TTLL11: variants seen among roughly 807,000 people sequenced by gnomAD.
TTLL11 encodes tubulin polyglutamylase TTLL11.
TTLL11 carries 42 observed loss-of-function variants against 51.7 expected under a neutral mutation model. The observed-to-expected ratio is 0.81, with a 90% confidence interval of 0.64 to 1.05. The LOEUF (loss-of-function observed/expected upper bound fraction) is 1.05. Ranked by LOEUF, TTLL11 falls within the 50% of genes least tolerant of loss-of-function variation. The pLI is 0.00. For synonymous variants in TTLL11, 381 were observed against 383.5 expected (o/e 0.99, Z 0.08); for missense variants, 799 against 940.4 (o/e 0.85, Z 1.97).
intron 6 of TTLL11, among the ~76,000 whole-genome samples, chr9:121,929,726 G>A (rs1415608038): frequency 6.6e-6 from 1 of 152,222 alleles, no homozygotes; most frequent in African/African-American, 2.4e-5. Context: ...TAAACAAGAA[G>A]AAAGCACACT....
chr9:121,838,425 AAC>A (rs1199871384), intron 8 of TTLL11, among the ~76,000 whole-genome samples: 1 of 152,136 alleles, frequency 6.6e-6, no homozygotes, highest in Non-Finnish European at 1.5e-5. Flanking sequence ...ACCTTTTAGA[AAC>A]ACAAATCAGG....
intron 6 of TTLL11, among the ~76,000 whole-genome samples, chr9:121,942,324 G>T (rs1257392485): frequency 6.6e-6 from 1 of 152,198 alleles, no homozygotes; most frequent in Non-Finnish European, 1.5e-5. Context: ...CACCTTCACA[G>T]TCAGGCCGCT....
chr9:121,925,785 G>T (rs559101329), intron 6 of TTLL11, among the ~76,000 whole-genome samples: 224 of 152,296 alleles, frequency 1.5e-3, no homozygotes, highest in African/African-American at 4.8e-3. Context: ...GGATGGGTTT[G>T]TGGAGTGAAT....
At chr9:121,917,470 T>C (rs1040961382) in intron 6 of TTLL11, among the ~76,000 whole-genome samples, 45 of 63,222 alleles carry the variant, frequency 7.1e-4, no homozygotes, top group South Asian at 4.3e-3. Flanking sequence ...CAAGACACTG[T>C]TGAAAGAAAG....
intron 2 of TTLL11, among the ~76,000 whole-genome samples, 170 bp from the exon 3 acceptor site, chr9:122,032,026 A>T (rs1844568025): frequency 6.6e-6 from 1 of 152,218 alleles, no homozygotes; most frequent in Middle Eastern, 3.2e-3. Flanking sequence ...GTTTGGAAAG[A>T]ACTACTGAGT....
intron 6 of TTLL11, among the ~76,000 whole-genome samples, chr9:121,923,892 T>C (rs1840626138): frequency 6.6e-6 from 1 of 152,136 alleles, no homozygotes; most frequent in Admixed American, 6.5e-5. Flanking sequence ...TCATCTTGAG[T>C]TGTAGCTCCC....
At position 121,943,235 on chromosome 9, in the gene TTLL11, G is replaced by A. The variant is rs188586253; in HGVS notation, c.1481+30774C>T. Among the ~76,000 whole-genome samples the A allele has an allele frequency of 2.4e-4, 36 of 152,320 alleles. No homozygotes were observed. The South Asian group carries it at 4.4e-3, about 18-fold the overall frequency. ...GGGATTCCCAAAGGTTTCTGGACAT[G>A]AGCCTGGTGACAGTCAAGGGCCAAC... is the stretch of plus-strand genomic sequence containing the variant. On this transcript the variant is annotated intron_variant, in intron 6 of 8. Transcript: ENST00000321582.
chr9:121,831,207 T>C (rs1836995101), intron 8 of TTLL11, among the ~76,000 whole-genome samples: 1 of 152,206 alleles, frequency 6.6e-6, no homozygotes, highest in African/African-American at 2.4e-5. Context: ...CATAAAATAA[T>C]CTGGGGACCT....
chr9:121,967,988 G>C (rs55918513), intron 6 of TTLL11, among the ~76,000 whole-genome samples: 18,181 of 152,192 alleles, frequency 0.12, 1,240 homozygotes, highest in African/African-American at 0.19. Context: ...CGGGAAGTGG[G>C]GGGAGGGGGA....
intron 6 of TTLL11, among the ~76,000 whole-genome samples, chr9:121,964,366 C>T (rs974141747): frequency 1.6e-4 from 25 of 151,942 alleles, no homozygotes; most frequent in African/African-American, 6.0e-4. Context: ...GGTGTGATCT[C>T]AGCTCACTGC....
intron 6 of TTLL11, among the ~76,000 whole-genome samples, chr9:121,924,771 T>C (rs1176167333): frequency 2.0e-5 from 3 of 151,802 alleles, no homozygotes; most frequent in Non-Finnish European, 2.9e-5. Context: ...ACTTTTTTTT[T>C]TTTTTTTAAC....
intron 6 of TTLL11, among the ~76,000 whole-genome samples, chr9:121,891,927 TATG>T (rs556128516): frequency 1.2e-4 from 18 of 149,386 alleles, no homozygotes; most frequent in African/African-American, 3.9e-4. Context: ...TGTGTATATA[TATG>T]ATGATAATAT....
At chr9:121,897,332 G>A (rs1363131198) in intron 6 of TTLL11, among the ~76,000 whole-genome samples, 3 of 152,120 alleles carry the variant, frequency 2.0e-5, no homozygotes, top group African/African-American at 4.8e-5. Context: ...GCTAGCACGC[G>A]GTAGAACTGA....
chr9:122,026,980 G>A (rs1434567965), intron 3 of TTLL11, among the ~76,000 whole-genome samples: 1 of 151,016 alleles, frequency 6.6e-6, no homozygotes, highest in African/African-American at 2.4e-5. Flanking sequence ...AGAAATACCT[G>A]AGACTGGGTA....
intron 8 of TTLL11, among the ~76,000 whole-genome samples, chr9:121,829,243 C>G (rs1240233362): frequency 1.3e-5 from 2 of 151,984 alleles, no homozygotes; most frequent in East Asian, 3.9e-4. Context: ...CGTGAGCCAC[C>G]GTGCCCAGCC....
At chr9:122,006,710 T>C (rs1843656820) in intron 3 of TTLL11, among the ~76,000 whole-genome samples, 2 of 152,056 alleles carry the variant, frequency 1.3e-5, no homozygotes, top group African/African-American at 4.8e-5. Flanking sequence ...TCTGGCCACA[T>C]GTGGTGGCTC....
At chr9:122,055,270 A>T (rs576924725) in intron 1 of TTLL11, among the ~76,000 whole-genome samples, 1 of 151,436 alleles carries the variant, frequency 6.6e-6, no homozygotes, top group South Asian at 2.1e-4. Context: ...GTATTAACTC[A>T]CATGATCACA....
intron 8 of TTLL11, among the ~76,000 whole-genome samples, chr9:121,830,637 C>T (rs574294764): frequency 5.3e-4 from 81 of 152,336 alleles, no homozygotes; most frequent in African/African-American, 1.7e-3. Context: ...TCCAACTGCA[C>T]ATTAAGTCCT....
chr9:122,040,170 C>A (rs1053989504), intron 1 of TTLL11, among the ~76,000 whole-genome samples: 3 of 152,138 alleles, frequency 2.0e-5, no homozygotes, highest in Non-Finnish European at 4.4e-5. Flanking sequence ...GACAGCCAGT[C>A]TGCTGAGAGA....
Sources: allele counts gnomAD v4.1 joint callset (sites outside exome capture counted in the v4.1 genomes callset), GRCh38; gene constraint gnomAD v4.1.1; transcripts MANE v1.5; gene names NCBI Gene and HGNC (gene_info 2026-07-23, HGNC 2026-07-21).